Variants in FRMD5 observed in about 807,000 individuals in gnomAD.
FRMD5 encodes FERM domain-containing protein 5.
Under a neutral mutation model 69.0 loss-of-function variants are expected in FRMD5, and 20 were observed. The observed-to-expected ratio is 0.29, with a 90% CI of 0.20 to 0.42. The LOEUF (loss-of-function observed/expected upper bound fraction) is 0.42, where lower values mean the gene tolerates loss of function less well. FRMD5 is among the 10% of genes least tolerant of loss of function. The pLI is 1.00. For synonymous variants in FRMD5, 271 were observed against 260.1 expected (o/e 1.04, Z -0.40); for missense variants, 595 against 708.6 (o/e 0.84, Z 1.82).
At chr15:43,885,078 CAAAA>C in intron 11 of FRMD5, 1 of 367,770 alleles carries the variant, frequency 2.7e-6, no homozygotes. Context: ...AATTACATCA[CAAAA>C]AAACACATAA....
intron 1 of FRMD5, among the ~76,000 whole-genome samples, chr15:44,028,500 C>T (rs189280509): frequency 7.8e-4 from 119 of 152,370 alleles, no homozygotes; most frequent in Non-Finnish European, 1.4e-3. Flanking sequence ...TCCACCACAA[C>T]ATGGTGCACA....
rs117949583 is a variant in FRMD5 at position 43,889,059 on chromosome 15, C to T, written c.729-187G>A. ...AGAATGTTGTTGAAACAGTTCAATCCACAGTTTTCTGGTCAATCACACTAT... is the reference window on the plus strand; with the variant it reads ...AGAATGTTGTTGAAACAGTTCAATCTACAGTTTTCTGGTCAATCACACTAT... On this transcript the variant is annotated intron_variant, in intron 8 of 13. Transcript: ENST00000417257. Among the ~76,000 whole-genome samples, 258 of 152,254 alleles carry T rather than the reference C, an allele frequency of 1.7e-3. 2 individuals are homozygous for T. The highest frequency in any genetic ancestry group is 0.014 in the South Asian group (66 of 4,818).
chr15:44,103,865 G>T (rs1385673023), intron 1 of FRMD5, among the ~76,000 whole-genome samples: 1 of 152,154 alleles, frequency 6.6e-6, no homozygotes, highest in Non-Finnish European at 1.5e-5. Flanking sequence ...TTGCCTAGTG[G>T]TGTCATAGCC....
chr15:43,924,266 T>C lies in FRMD5; in HGVS notation c.146A>G (p.His49Arg), dbSNP rs1217194181. 6.2e-7 allele frequency: 1 copy of C among 1,614,120 alleles called. No individual in the cohort carries two copies. Among genetic ancestry groups the C allele is most frequent in the East Asian group, 2.2e-5 (1 of 44,880 alleles). ...GQYLFDLLCHHLNLLEKDYFG... is the reference protein window; with the variant it reads ...GQYLFDLLCHRLNLLEKDYFG... ...ATAGTCTTTCTCAAGTAGGTTCAGATGGTGGCAAAGAAGGTCAAACAGGTA... is the reference window on the plus strand; with the variant it reads ...ATAGTCTTTCTCAAGTAGGTTCAGACGGTGGCAAAGAAGGTCAAACAGGTA... Residue 49 changes from histidine (H) to arginine (R), a missense_variant, in exon 2 of 14, where the codon CAT becomes CGT. Physicochemically the swap from His to Arg is conservative, Grantham distance 29. Around this residue, in one of 5 missense-constraint regions of FRMD5, gnomAD observed 79 missense variants for 139.9 expected, o/e 0.56. Transcript: ENST00000417257.
rs115185530 is a variant in FRMD5 at position 43,874,372 on chromosome 15, C to T, written c.1226G>A (p.Arg409Gln). ...AGCTACTCGCTCATTGCTATCTGTCCGGCTGCTTCTCACGTGAGGCAGGAA... is the reference window on the plus strand; with the variant it reads ...AGCTACTCGCTCATTGCTATCTGTCTGGCTGCTTCTCACGTGAGGCAGGAA... ...DTFLPHVRSS[R>Q]TDSNERVAVI... The change falls in exon 14 of 14, where the codon CGG becomes CAG. Residue 409 changes from arginine to glutamine, a missense_variant. Physicochemically the swap from Arg to Gln is conservative, Grantham distance 43 (BLOSUM62 1). Coordinates refer to ENST00000417257, the MANE Select transcript of FRMD5 (RefSeq NM_032892.5). The T allele has an allele frequency of 6.0e-4, 971 of 1,614,188 alleles. 2 individuals carry two copies. Among genetic ancestry groups the T allele is most frequent in the African/African-American group, 4.7e-3 (356 of 75,058 alleles).
chr15:43,904,001 T>C (rs1419415899), intron 6 of FRMD5, among the ~76,000 whole-genome samples: 2 of 152,120 alleles, frequency 1.3e-5, no homozygotes, highest in African/African-American at 2.4e-5. Flanking sequence ...TGAGGAGCCA[T>C]GGGGTCCTGC....
intron 1 of FRMD5, among the ~76,000 whole-genome samples, chr15:44,182,615 C>G (rs1025467207): frequency 6.6e-6 from 1 of 151,654 alleles, no homozygotes; most frequent in Non-Finnish European, 1.5e-5. Context: ...TGTAAGCCAC[C>G]GCATCAGGCC....
chr15:43,996,686 CTTTT>C (rs1256273194), intron 1 of FRMD5, among the ~76,000 whole-genome samples: 1 of 91,832 alleles, frequency 1.1e-5, no homozygotes, highest in Admixed American at 1.1e-4. Context: ...TGGGGATTGC[CTTTT>C]TTTTTTTTTT....
chr15:44,179,249 A>G (rs2077955094), intron 1 of FRMD5, among the ~76,000 whole-genome samples: 1 of 152,202 alleles, frequency 6.6e-6, no homozygotes, highest in South Asian at 2.1e-4. Flanking sequence ...CTACTACAGA[A>G]CAGAGATCAT....
Position 43,874,390 on chromosome 15 carries a change from G to A in FRMD5, c.1208C>T (p.Pro403Leu). 1.2e-6 allele frequency: 2 copies of A among 1,614,234 alleles called. No homozygotes were observed. The highest frequency in any genetic ancestry group is 1.7e-6 in the Non-Finnish European group (2 of 1,180,048). The change falls in exon 14 of 14, where the codon CCT (proline) becomes CTT (leucine). Residue 403 changes from proline (P) to leucine (L), a missense_variant. Coordinates refer to ENST00000417257, the MANE Select transcript of FRMD5 (RefSeq NM_032892.5). Reference protein sequence around the residue: ...RSTSHGDTFLPHVRSSRTDSN... With the variant: ...RSTSHGDTFLLHVRSSRTDSN... ...ATCTGTCCGGCTGCTTCTCACGTGA[G>A]GCAGGAAGGTGTCCCCATGGGAAGT... is the stretch of plus-strand genomic sequence containing the variant.
chr15:44,057,654 AG>A (rs1294777535), intron 1 of FRMD5, among the ~76,000 whole-genome samples: 1 of 152,234 alleles, frequency 6.6e-6, no homozygotes, highest in African/African-American at 2.4e-5. Context: ...TAGAGAACCC[AG>A]GATACAACAG....
At chr15:44,145,359 A>G (rs1259110808) in intron 1 of FRMD5, among the ~76,000 whole-genome samples, 2 of 152,134 alleles carry the variant, frequency 1.3e-5, no homozygotes, top group Non-Finnish European at 2.9e-5. Flanking sequence ...AAAACTCACT[A>G]TTTCAAGTAA....
At chr15:44,183,686 C>T (rs2140576497) in intron 1 of FRMD5, among the ~76,000 whole-genome samples, 1 of 152,168 alleles carries the variant, frequency 6.6e-6, no homozygotes, top group East Asian at 1.9e-4. Context: ...GCTACAACAA[C>T]AAAAAATAGA....
intron 4 of FRMD5, among the ~76,000 whole-genome samples, chr15:43,910,251 A>AC (rs1418233948): frequency 2.6e-5 from 4 of 152,060 alleles, no homozygotes; most frequent in Non-Finnish European, 5.9e-5. Flanking sequence ...TAAAAGCATC[A>AC]CCCCACAGTG....
chr15:44,126,749 C>G (rs1356346786), intron 1 of FRMD5, among the ~76,000 whole-genome samples: 3 of 152,176 alleles, frequency 2.0e-5, no homozygotes, highest in Admixed American at 2.0e-4. Context: ...CCTTTTGGCT[C>G]TCATACGTTA....
At position 43,996,111 on chromosome 15, in the gene FRMD5, C is replaced by G. The variant is rs761654172; in HGVS notation, c.103-71802G>C. ...GGCTTAAAGCCTGGGGTTGTGTGGG[C>G]TGACCTGCCTCTGGGCTGTTCTGGA... On this transcript the variant is annotated intron_variant, in intron 1 of 13. Coordinates refer to ENST00000417257, the MANE Select transcript of FRMD5 (RefSeq NM_032892.5). Among the ~76,000 whole-genome samples, 57 of 152,088 alleles carry G rather than the reference C, an allele frequency of 3.7e-4. 1 individual carries two copies. The highest frequency in any genetic ancestry group is 2.6e-3 in the Admixed American group (40 of 15,292).
At chr15:44,134,261 C>G (rs2077149039) in intron 1 of FRMD5, among the ~76,000 whole-genome samples, 2 of 152,060 alleles carry the variant, frequency 1.3e-5, no homozygotes, top group Admixed American at 1.3e-4. Flanking sequence ...AGGTGTGCAT[C>G]ACCACGTCCA....
chr15:44,188,111 CAA>C (rs756478519), intron 1 of FRMD5, among the ~76,000 whole-genome samples: 1 of 152,092 alleles, frequency 6.6e-6, no homozygotes, highest in Non-Finnish European at 1.5e-5. Flanking sequence ...CCTAGTGCGT[CAA>C]GTTGTGAACA....
chr15:44,172,790 CT>C (rs541885321), intron 1 of FRMD5, among the ~76,000 whole-genome samples: 46 of 152,224 alleles, frequency 3.0e-4, no homozygotes, highest in South Asian at 1.9e-3. Context: ...CTAGAAACCA[CT>C]GAAAATAAAA....
Sources: gnomAD v4.1 joint callset for allele counts (sites outside exome capture counted in the v4.1 genomes callset) on GRCh38, gnomAD v4.1.1 for gene constraint, gnomAD v4.1.1 regional missense constraint, MANE v1.5 for transcripts, NCBI Gene and HGNC (gene_info 2026-07-23, HGNC 2026-07-21) for gene names.